DPP10: variants seen among roughly 807,000 people sequenced by gnomAD.
DPP10 encodes inactive dipeptidyl peptidase 10.
DPP10 carries 33 observed loss-of-function variants against 120.9 expected under a neutral mutation model. The observed-to-expected ratio is 0.27, with a 90% CI of 0.21 to 0.37. The LOEUF is 0.37. DPP10 is among the 10% of genes least tolerant of loss of function. The pLI is 1.00. For synonymous variants in DPP10, 337 were observed against 326.1 expected (o/e 1.03, Z -0.36); for missense variants, 816 against 942.8 (o/e 0.87, Z 1.76).
chr2:115,621,261 G>C (rs2084923708), intron 5 of DPP10, among the ~76,000 whole-genome samples: 1 of 152,064 alleles, frequency 6.6e-6, no homozygotes. Flanking sequence ...TTAAGTGCTA[G>C]CTTTCAGAAG....
At chr2:114,504,515 G>A (rs941361010) in intron 1 of DPP10, among the ~76,000 whole-genome samples, 1 of 151,898 alleles carries the variant, frequency 6.6e-6, no homozygotes, top group African/African-American at 2.4e-5. Context: ...TTATGCTATT[G>A]CTTTTCCCAA....
intron 1 of DPP10, among the ~76,000 whole-genome samples, chr2:114,475,329 T>C (rs1680281940): frequency 6.6e-6 from 1 of 152,226 alleles, no homozygotes; most frequent in East Asian, 1.9e-4. Context: ...CCTACTTTTA[T>C]ATATCAGGCC....
intron 5 of DPP10, among the ~76,000 whole-genome samples, chr2:115,655,363 A>G (rs2088204458): frequency 6.6e-6 from 1 of 151,742 alleles, no homozygotes; most frequent in Non-Finnish European, 1.5e-5. Context: ...AGCACTCATG[A>G]ATACCTAGTG....
intron 5 of DPP10, among the ~76,000 whole-genome samples, chr2:115,546,240 G>T (rs1332928765): frequency 6.6e-6 from 1 of 152,102 alleles, no homozygotes; most frequent in Non-Finnish European, 1.5e-5. Context: ...CCAGCCAGAT[G>T]AAATGTCTTT....
At chr2:115,377,268 ATT>A (rs36180030) in intron 3 of DPP10, among the ~76,000 whole-genome samples, 4,040 of 150,928 alleles carry the variant, frequency 0.027, 53 homozygotes, top group South Asian at 0.058. Flanking sequence ...ATGGTATCTC[ATT>A]GTGGTTTTGA....
intron 1 of DPP10, among the ~76,000 whole-genome samples, chr2:115,200,359 A>C (rs2105290193): frequency 6.6e-6 from 1 of 152,132 alleles, no homozygotes; most frequent in East Asian, 1.9e-4. Context: ...TGTACAAGGA[A>C]CTCTGTGGTG....
At chr2:115,587,119 A>T in intron 5 of DPP10, among the ~76,000 whole-genome samples, 1 of 98,602 alleles carries the variant, frequency 1.0e-5, no homozygotes. Flanking sequence ...TTCTTTTGAG[A>T]CGGATTCTCA....
At chr2:114,493,199 C>G (rs929527457) in intron 1 of DPP10, among the ~76,000 whole-genome samples, 2 of 152,100 alleles carry the variant, frequency 1.3e-5, no homozygotes, top group African/African-American at 4.8e-5. Flanking sequence ...ACTCTGGGCA[C>G]AAATTGCCCA....
chr2:115,531,494 C>A lies in DPP10; in HGVS notation c.441+5522C>A, dbSNP rs12373620. The stretch of plus-strand genomic sequence containing the variant: ...TTTCTTTAGTTTTTCACAATTATTT[C>A]TTCCTGGATTTAACGTCCAACTGTT... On this transcript the variant is annotated intron_variant, in intron 5 of 25. Coordinates refer to ENST00000410059, the MANE Select transcript of DPP10 (RefSeq NM_020868.6). Among the ~76,000 whole-genome samples the A allele has an allele frequency of 9.9e-5, 15 of 152,028 alleles. No individual in the cohort carries two copies. In the South Asian group the frequency reaches 2.3e-3, roughly 23 times the overall value.
intron 5 of DPP10, among the ~76,000 whole-genome samples, chr2:115,547,765 CA>C (rs566808076): frequency 0.043 from 3,081 of 71,780 alleles, 59 homozygotes; most frequent in African/African-American, 0.12. Flanking sequence ...ATCCTATCTC[CA>C]AAAAAAAAAA....
chr2:115,743,983 G>A lies in DPP10; in HGVS notation c.853-2103G>A, dbSNP rs188409172. Among the ~76,000 whole-genome samples, 65 of 150,688 alleles carry A rather than the reference G, an allele frequency of 4.3e-4. 2 individuals are homozygous for A. Among genetic ancestry groups the A allele is most frequent in the South Asian group, 2.9e-3 (14 of 4,788 alleles). On this transcript the variant is annotated intron_variant, in intron 9 of 25. Transcript: ENST00000410059. The stretch of plus-strand genomic sequence containing the variant: ...CCCCTCAGGACCTCTGAATGATTGC[G>A]ATGCTGTCTAACTTTTGACCACCAC...
At chr2:115,251,671 C>G (rs1021589487) in intron 1 of DPP10, among the ~76,000 whole-genome samples, 4 of 152,162 alleles carry the variant, frequency 2.6e-5, no homozygotes, top group Non-Finnish European at 5.9e-5. Context: ...GGTTTACATA[C>G]TTCTCCAGGT....
intron 1 of DPP10, among the ~76,000 whole-genome samples, chr2:114,888,700 C>G (rs1692290468): frequency 6.6e-6 from 1 of 152,130 alleles, no homozygotes; most frequent in Admixed American, 6.5e-5. Flanking sequence ...GTGTTTTATT[C>G]TGTAATGACG....
In DPP10 at chr2:115,334,230, G is replaced by GTTTTTTTTTTTTTTTGT. The variant is rs1553554648; in HGVS notation, c.176-9572_176-9571insGTTTTTTTTTTTTTTTT. ...TCAGGAATGGACCAGAGCAGACTCTGTTTTTTTTTTTTTTTTAAGAAACCT... is the reference window on the plus strand; with the variant it reads ...TCAGGAATGGACCAGAGCAGACTCTGTTTTTTTTTTTTTTTGTTTTTTTTTTTTTTTTTAAGAAACCT... On this transcript the variant is annotated intron_variant, in intron 2 of 25. Transcript: ENST00000410059. Among the ~76,000 whole-genome samples, 65 of 56,410 alleles carry GTTTTTTTTTTTTTTTGT rather than the reference G, an allele frequency of 1.2e-3. 13 individuals are homozygous for GTTTTTTTTTTTTTTTGT. The highest frequency in any genetic ancestry group is 2.8e-3 in the East Asian group (5 of 1,802). The allele number at this position is 56,410 out of a possible 152,430, so 37.0% of individuals were successfully genotyped here. A position where few individuals can be genotyped will look rare whatever the true frequency, so the allele number is the denominator to read the frequency against.
chr2:115,095,547 C>T (rs1384829028), intron 1 of DPP10, among the ~76,000 whole-genome samples: 1 of 151,184 alleles, frequency 6.6e-6, no homozygotes, highest in Non-Finnish European at 1.5e-5. Context: ...TTACTTGTTC[C>T]CAAAAGGAAT....
chr2:115,810,111 G>T (rs1015486975), intron 19 of DPP10, among the ~76,000 whole-genome samples: 7 of 151,076 alleles, frequency 4.6e-5, no homozygotes, highest in South Asian at 2.1e-4. Context: ...GCAGTGAGCC[G>T]AGATCGCACC....
rs76012112 is a variant in DPP10, at chr2:114,887,585, C to T, written c.61-421654C>T. Among the ~76,000 whole-genome samples, 1,331 of 152,278 alleles carry T rather than the reference C, an allele frequency of 8.7e-3. 18 individuals are homozygous for T. The highest frequency in any genetic ancestry group is 0.031 in the African/African-American group (1,276 of 41,558). Reference sequence around the variant, plus strand: ...ATTATGAAGCAGGTTGCTCACCTTCCAAAAGTGGAAATCCTTCATCTGTAA... The same window carrying T: ...ATTATGAAGCAGGTTGCTCACCTTCTAAAAGTGGAAATCCTTCATCTGTAA... On this transcript the variant is annotated intron_variant, in intron 1 of 25. Coordinates refer to ENST00000410059, the MANE Select transcript of DPP10 (RefSeq NM_020868.6).
At chr2:115,819,985 A>C (rs1687645723) in intron 21 of DPP10, among the ~76,000 whole-genome samples, 1 of 152,222 alleles carries the variant, frequency 6.6e-6, no homozygotes, top group African/African-American at 2.4e-5. Context: ...CAAGAGCGAA[A>C]CTCTGTCTCA....
intron 5 of DPP10, among the ~76,000 whole-genome samples, chr2:115,609,994 G>A (rs556884219): frequency 2.0e-4 from 30 of 152,146 alleles, no homozygotes; most frequent in African/African-American, 6.3e-4. Context: ...ATATTCAAAC[G>A]TTTTGTAGCT....
Sources: allele counts gnomAD v4.1 joint callset (sites outside exome capture counted in the v4.1 genomes callset), GRCh38; gene constraint gnomAD v4.1.1; transcripts MANE v1.5; gene names NCBI Gene and HGNC (gene_info 2026-07-23, HGNC 2026-07-21).